The following KCNQ3 variants were observed in gnomAD, a reference collection of about 807,000 sequenced individuals.
KCNQ3 encodes potassium voltage-gated channel subfamily KQT member 3.
In KCNQ3, 30 loss-of-function variants were observed where a neutral mutation model predicts 92.5. That is an observed-to-expected ratio of 0.32 (90% confidence interval 0.24 to 0.44). KCNQ3 has a LOEUF of 0.44. Among genes scored for constraint, KCNQ3 ranks in the 20% least tolerant of loss-of-function variants. The probability of loss-of-function intolerance (pLI) is 1.00; values close to 1 mark genes in which losing one functional copy is unlikely to be tolerated. For missense variants in KCNQ3, 913 were observed against 1,140.3 expected, an observed-to-expected ratio of 0.80 and a Z score of 2.87; for synonymous variants, 450 against 468.8, an observed-to-expected ratio of 0.96 and a Z score of 0.52.
intron 1 of KCNQ3, among the ~76,000 whole-genome samples, chr8:132,364,253 T>C (rs1299405003): frequency 6.6e-6 from 1 of 152,210 alleles, no homozygotes; most frequent in Non-Finnish European, 1.5e-5. Flanking sequence ...GGAGAAGATA[T>C]AATTTGAAAC....
intron 7 of KCNQ3, among the ~76,000 whole-genome samples, chr8:132,171,149 G>C (rs1341702406): frequency 6.6e-6 from 1 of 152,180 alleles, no homozygotes; most frequent in Non-Finnish European, 1.5e-5. Context: ...CTGGGTGCAA[G>C]AGAAAGCCTA....
At chr8:132,168,273 C>T (rs1051291828) in intron 8 of KCNQ3, among the ~76,000 whole-genome samples, 2 of 152,156 alleles carry the variant, frequency 1.3e-5, no homozygotes, top group Non-Finnish European at 2.9e-5. Context: ...GTCCATAGAT[C>T]CATCCTCCAC....
chr8:132,284,999 T>TTGAG (rs1385148837), intron 1 of KCNQ3, among the ~76,000 whole-genome samples: 2 of 152,320 alleles, frequency 1.3e-5, no homozygotes, highest in East Asian at 3.9e-4. Flanking sequence ...CATCTTAGAC[T>TTGAG]TCCCAACCTC....
At chr8:132,182,413 G>T (rs1448850898) in intron 3 of KCNQ3, among the ~76,000 whole-genome samples, 2 of 152,226 alleles carry the variant, frequency 1.3e-5, no homozygotes. Flanking sequence ...GGGCCACATT[G>T]TGGAAGAATT....
intron 9 of KCNQ3, among the ~76,000 whole-genome samples, chr8:132,154,074 C>T (rs1420209560): frequency 6.6e-6 from 1 of 151,982 alleles, no homozygotes; most frequent in Non-Finnish European, 1.5e-5. Flanking sequence ...GGGACACTCC[C>T]TTCAGATGGA....
At chr8:132,288,956 T>C (rs1382373220) in intron 1 of KCNQ3, among the ~76,000 whole-genome samples, 1 of 152,188 alleles carries the variant, frequency 6.6e-6, no homozygotes, top group African/African-American at 2.4e-5. Flanking sequence ...TGAGACATGA[T>C]TATACTACAT....
chr8:132,149,467 C>T (rs1178214774), intron 9 of KCNQ3, among the ~76,000 whole-genome samples: 6 of 152,308 alleles, frequency 3.9e-5, no homozygotes, highest in African/African-American at 1.4e-4. Context: ...GGTCATGTGA[C>T]AAGAACCCGG....
intron 1 of KCNQ3, among the ~76,000 whole-genome samples, chr8:132,267,598 T>C (rs184183735): frequency 6.6e-5 from 10 of 152,184 alleles, no homozygotes. Flanking sequence ...ATCTCATACA[T>C]AACTACTTAT....
At chr8:132,297,632 A>G (rs1166202873) in intron 1 of KCNQ3, among the ~76,000 whole-genome samples, 2 of 66,712 alleles carry the variant, frequency 3.0e-5, no homozygotes, top group African/African-American at 8.2e-5. Flanking sequence ...CAATAATGGT[A>G]GTGCAGTTTA....
At chr8:132,186,244 A>G in intron 1 of KCNQ3, 63 bp from the exon 2 acceptor site, 3 of 1,204,632 alleles carry the variant, frequency 2.5e-6, no homozygotes, top group Non-Finnish European at 3.7e-6. Flanking sequence ...TGAGGCTAAG[A>G]TGGGGAAAGG....
intron 1 of KCNQ3, among the ~76,000 whole-genome samples, chr8:132,412,157 C>T (rs1233047142): frequency 6.6e-6 from 1 of 152,170 alleles, no homozygotes; most frequent in Admixed American, 6.5e-5. Context: ...TAGTCCCTTG[C>T]CGATTCCAGA....
chr8:132,465,062 A>G (rs958461123), intron 1 of KCNQ3, among the ~76,000 whole-genome samples: 10 of 152,204 alleles, frequency 6.6e-5, no homozygotes, highest in African/African-American at 2.4e-4. Flanking sequence ...AGAAATCTCA[A>G]CGTTTCCTTT....
At position 132,272,600 on chromosome 8, in the gene KCNQ3, G is replaced by T. The variant is rs113810316; in HGVS notation, c.387-86419C>A. The stretch of plus-strand genomic sequence containing the variant: ...CAATCATGGTGGAAGGCAAGAAGGA[G>T]CAAATCACATCTTACATGGATGGGG... On this transcript the variant is annotated intron_variant, in intron 1 of 14. Coordinates refer to ENST00000388996, the MANE Select transcript of KCNQ3 (RefSeq NM_004519.4). Among the ~76,000 whole-genome samples, 475 of 152,298 alleles carry T rather than the reference G, an allele frequency of 3.1e-3. 1 individual carries two copies. Among genetic ancestry groups the T allele is most frequent in the African/African-American group, 0.011 (452 of 41,560 alleles).
At chr8:132,359,331 C>T (rs1260820675) in intron 1 of KCNQ3, among the ~76,000 whole-genome samples, 1 of 152,152 alleles carries the variant, frequency 6.6e-6, no homozygotes, top group Non-Finnish European at 1.5e-5. Context: ...TGCCAATTTC[C>T]CAGCATTGTT....
chr8:132,329,738 A>T (rs1413032643), intron 1 of KCNQ3, among the ~76,000 whole-genome samples: 2 of 152,174 alleles, frequency 1.3e-5, no homozygotes, highest in Non-Finnish European at 2.9e-5. Flanking sequence ...TCTAGCTTTG[A>T]CACAGTGTTC....
chr8:132,394,535 C>A (rs1820141909), intron 1 of KCNQ3, among the ~76,000 whole-genome samples: 1 of 151,724 alleles, frequency 6.6e-6, no homozygotes, highest in South Asian at 2.1e-4. Context: ...AAAGTGTGGC[C>A]ATAATTATCA....
chr8:132,456,905 G>A (rs539673908), intron 1 of KCNQ3, among the ~76,000 whole-genome samples: 2 of 152,152 alleles, frequency 1.3e-5, no homozygotes, highest in East Asian at 1.9e-4. Context: ...AAGCCACCGC[G>A]CCTGGCTGAC....
intron 1 of KCNQ3, among the ~76,000 whole-genome samples, chr8:132,445,028 T>C (rs1821637634): frequency 6.6e-6 from 1 of 152,128 alleles, no homozygotes; most frequent in Non-Finnish European, 1.5e-5. Flanking sequence ...TTCAGGGTGT[T>C]TCCAGGTAAC....
chr8:132,192,855 C>T (rs1281115542), intron 1 of KCNQ3, among the ~76,000 whole-genome samples: 3 of 152,286 alleles, frequency 2.0e-5, no homozygotes, highest in East Asian at 3.9e-4. Flanking sequence ...CCATTTTGGT[C>T]AGGCTGGTCT....
Sources: gnomAD v4.1 joint callset for allele counts (sites outside exome capture counted in the v4.1 genomes callset) on GRCh38, gnomAD v4.1.1 for gene constraint, MANE v1.5 for transcripts, NCBI Gene and HGNC (gene_info 2026-07-23, HGNC 2026-07-21) for gene names.